The following SRRM4 variants were observed in gnomAD, a reference collection of about 807,000 sequenced individuals.
SRRM4 encodes serine/arginine repetitive matrix 4.
In SRRM4, 33 loss-of-function variants were observed where a neutral mutation model predicts 68.9. The ratio of observed to expected loss-of-function variants is 0.48; its 90% confidence interval spans 0.36 to 0.64. The LOEUF is 0.64. SRRM4 is among the 30% of genes least tolerant of loss of function. The pLI is 0.00. For missense variants in SRRM4, 817 were observed against 827.1 expected (o/e 0.99, Z 0.15); for synonymous variants, 318 against 318.8 (o/e 1.00, Z 0.03).
At chr12:119,086,033 G>C (rs1004251745) in intron 1 of SRRM4, among the ~76,000 whole-genome samples, 2 of 152,140 alleles carry the variant, frequency 1.3e-5, no homozygotes, top group Non-Finnish European at 2.9e-5. Flanking sequence ...TTAGGAAAAA[G>C]AGATGACCAG....
At chr12:119,150,436 G>GT (rs1287339625) in intron 9 of SRRM4, among the ~76,000 whole-genome samples, 1 of 152,142 alleles carries the variant, frequency 6.6e-6, no homozygotes, top group Non-Finnish European at 1.5e-5. Flanking sequence ...ACTACAGCCT[G>GT]GGTAACAGAG....
At chr12:119,002,485 A>G (rs1953391023) in intron 1 of SRRM4, among the ~76,000 whole-genome samples, 2 of 152,206 alleles carry the variant, frequency 1.3e-5, no homozygotes, top group East Asian at 3.8e-4. Flanking sequence ...GGATTCTGAG[A>G]AATGGCACTG....
At chr12:119,025,344 G>A (rs914817869) in intron 1 of SRRM4, among the ~76,000 whole-genome samples, 5 of 152,142 alleles carry the variant, frequency 3.3e-5, no homozygotes, top group Non-Finnish European at 7.3e-5. Context: ...AGGCTGGACA[G>A]TCAGGCAGAG....
intron 1 of SRRM4, chr12:119,069,740 C>T (rs1472618023): frequency 1.3e-5 from 2 of 152,130 alleles, no homozygotes; most frequent in Non-Finnish European, 1.5e-5. Context: ...TGGAGGCCAC[C>T]TTATTTCTTA....
At chr12:119,065,414 A>G (rs533644772) in intron 1 of SRRM4, among the ~76,000 whole-genome samples, 1 of 152,300 alleles carries the variant, frequency 6.6e-6, no homozygotes, top group African/African-American at 2.4e-5. Flanking sequence ...GACCTAACAC[A>G]GTTGACAGCC....
At chr12:118,982,081 G>C in intron 1 of SRRM4, 68 bp downstream of exon 1, 5 of 1,523,780 alleles carry the variant, frequency 3.3e-6, no homozygotes, top group Non-Finnish European at 3.5e-6. Context: ...CCCAGAGCCC[G>C]GAGGGGTGGA....
chr12:119,102,465 A>G, intron 2 of SRRM4, 83 bp downstream of exon 2: 1 of 1,093,702 alleles, frequency 9.1e-7, no homozygotes. Flanking sequence ...TCTCTTATGC[A>G]AGTTCCTCTT....
At chr12:119,132,615 C>T (rs1213189997) in intron 8 of SRRM4, among the ~76,000 whole-genome samples, 1 of 152,172 alleles carries the variant, frequency 6.6e-6, no homozygotes, top group African/African-American at 2.4e-5. Flanking sequence ...GGGGAGGTTA[C>T]CAGATTGGCT....
intron 1 of SRRM4, among the ~76,000 whole-genome samples, chr12:119,015,610 A>G (rs577577631): frequency 6.6e-6 from 1 of 152,010 alleles, no homozygotes; most frequent in African/African-American, 2.4e-5. Context: ...TGCATTTAGA[A>G]CTACCCTGTT....
chr12:119,053,352 T>C (rs1409674567), intron 1 of SRRM4, among the ~76,000 whole-genome samples: 2 of 152,178 alleles, frequency 1.3e-5, no homozygotes, highest in Non-Finnish European at 2.9e-5. Context: ...AAAATAATAA[T>C]AAGCAAATAA....
Position 119,145,488 on chromosome 12 carries a change from G to T in SRRM4, c.879G>T (p.Ser293=). The change falls in exon 9 of 13, where the codon TCG becomes TCT. Residue 293 remains serine (S), a synonymous_variant. Transcript: ENST00000267260. ...ACGACTCAGGAAATGACACGTCCTC[G>T]CCACCCTCCACGCAAACCAGCTCAG... ...QEYDSGNDTS[S]PPSTQTSSAR... The T allele has an allele frequency of 6.2e-7, 1 of 1,610,032 alleles. No individual in the cohort carries two copies. Among genetic ancestry groups the T allele is most frequent in the Non-Finnish European group, 8.5e-7 (1 of 1,178,248 alleles).
At chr12:119,026,888 T>C (rs2136004219) in intron 1 of SRRM4, among the ~76,000 whole-genome samples, 1 of 152,260 alleles carries the variant, frequency 6.6e-6, no homozygotes, top group African/African-American at 2.4e-5. Context: ...GAACCCCCAG[T>C]TTATCCACAA....
intron 8 of SRRM4, among the ~76,000 whole-genome samples, chr12:119,131,379 G>C (rs577449995): frequency 8.5e-5 from 13 of 152,290 alleles, no homozygotes; most frequent in Admixed American, 7.2e-4. Context: ...AGCCACACAA[G>C]GTCTTGGGAG....
intron 8 of SRRM4, 149 bp from the exon 9 acceptor site, chr12:119,145,232 C>T: frequency 2.9e-6 from 2 of 678,750 alleles, no homozygotes; most frequent in Admixed American, 3.6e-5. Flanking sequence ...GGAATTTGTG[C>T]TTTTGTTTTT....
At chr12:118,992,894 C>T (rs1221702342) in intron 1 of SRRM4, among the ~76,000 whole-genome samples, 1 of 152,194 alleles carries the variant, frequency 6.6e-6, no homozygotes, top group Non-Finnish European at 1.5e-5. Flanking sequence ...CAAGACACCA[C>T]ACTGCTCAGA....
intron 1 of SRRM4, among the ~76,000 whole-genome samples, chr12:119,089,887 T>TA (rs1165143996): frequency 1.3e-5 from 2 of 152,218 alleles, no homozygotes; most frequent in Non-Finnish European, 2.9e-5. Flanking sequence ...ATGCATTTTA[T>TA]AACTGCCTTA....
intron 1 of SRRM4, among the ~76,000 whole-genome samples, chr12:119,053,217 T>G (rs991162061): frequency 6.6e-6 from 1 of 152,210 alleles, no homozygotes. Context: ...TTCTCTTGTT[T>G]TCATTTGTAT....
Position 119,091,534 on chromosome 12 carries a change from G to A in SRRM4, c.132-10702G>A, listed in dbSNP as rs757397624. Among the ~76,000 whole-genome samples the A allele has an allele frequency of 4.4e-4, 67 of 152,308 alleles. 1 individual carries two copies. The highest frequency in any genetic ancestry group is 5.2e-4 in the Admixed American group (8 of 15,298). ...GTGAGGCTGGAGACCAGTGTCGTCTGTTCCTGGAAAATGTGGCTGATATTC... is the reference window on the plus strand; with the variant it reads ...GTGAGGCTGGAGACCAGTGTCGTCTATTCCTGGAAAATGTGGCTGATATTC... On this transcript the variant is annotated intron_variant, in intron 1 of 12. Coordinates refer to ENST00000267260, the MANE Select transcript of SRRM4 (RefSeq NM_194286.4).
At chr12:118,993,412 C>T (rs1565885282) in intron 1 of SRRM4, among the ~76,000 whole-genome samples, 1 of 152,224 alleles carries the variant, frequency 6.6e-6, no homozygotes, top group Non-Finnish European at 1.5e-5. Flanking sequence ...TGGAGAGTCT[C>T]TTAGAATGAC....
Sources: allele counts gnomAD v4.1 joint callset (sites outside exome capture counted in the v4.1 genomes callset), GRCh38; gene constraint gnomAD v4.1.1; transcripts MANE v1.5; gene names NCBI Gene and HGNC (gene_info 2026-07-23, HGNC 2026-07-21).